The following STARD9 variants were observed in gnomAD, a reference collection of about 807,000 sequenced individuals.
The protein encoded by STARD9 is stAR-related lipid transfer protein 9.
In STARD9, 346 loss-of-function variants were observed where a neutral mutation model predicts 399.8. The observed-to-expected ratio is 0.87, with a 90% CI of 0.79 to 0.95. STARD9 has a LOEUF of 0.95. STARD9 is among the 40% of genes least tolerant of loss of function. The pLI, the probability that STARD9 is intolerant of heterozygous loss-of-function variation, is 0.00. For synonymous variants in STARD9, 2,203 were observed against 2,143.5 expected, an observed-to-expected ratio of 1.03 and a Z score of -0.77; for missense variants, 5,832 against 5,667.5, an observed-to-expected ratio of 1.03 and a Z score of -0.93.
chr15:42,705,033 C>T (rs929921096), intron 26 of STARD9, among the ~76,000 whole-genome samples: 1 of 152,192 alleles, frequency 6.6e-6, no homozygotes, highest in Admixed American at 6.5e-5. Context: ...CTTTCTGGTG[C>T]TTAGTGTGGG....
At chr15:42,621,003 C>T (rs2059081695) in intron 3 of STARD9, among the ~76,000 whole-genome samples, 1 of 152,138 alleles carries the variant, frequency 6.6e-6, no homozygotes, top group African/African-American at 2.4e-5. Context: ...ATCCACCCGC[C>T]TCAGCCTCCC....
chr15:42,636,934 G>A (rs565409172), intron 4 of STARD9, among the ~76,000 whole-genome samples: 13 of 151,526 alleles, frequency 8.6e-5, no homozygotes, highest in African/African-American at 3.2e-4. Context: ...TGTGGTGGTG[G>A]GTGCCTGTAC....
chr15:42,693,346 C>T lies in STARD9; in HGVS notation c.11768C>T (p.Pro3923Leu), dbSNP rs1256008934. Reference protein sequence around the residue: ...LSPGSLTLSAPSTHPVEGHQK... With the variant: ...LSPGSLTLSALSTHPVEGHQK... ...CCAGGCTCTTTGACCCTCTCAGCCC[C>T]TTCAACTCACCCTGTTGAAGGCCAC... The change falls in exon 23 of 33, where the codon CCT becomes CTT. Residue 3923 changes from proline (P) to leucine (L), a missense_variant. Transcript: ENST00000290607. 1 of 1,537,074 alleles carries T rather than the reference C, an allele frequency of 6.5e-7. No individual in the cohort carries two copies. The highest frequency in any genetic ancestry group is 1.4e-5 in the African/African-American group (1 of 73,036).
rs73408604 is a variant in STARD9, at chr15:42,647,601, A to G, written c.560-3415A>G. Among the ~76,000 whole-genome samples the G allele has an allele frequency of 3.2e-3, 485 of 151,732 alleles. 1 individual carries two copies. The highest frequency in any genetic ancestry group is 0.011 in the African/African-American group (454 of 41,388). On this transcript the variant is annotated intron_variant, in intron 7 of 32. Transcript: ENST00000290607. ...TATTTTTATCTTCTTTTCTACTTTT[A>G]CTTTCAGTTTTCTATGTATGTTTCA...
intron 7 of STARD9, among the ~76,000 whole-genome samples, chr15:42,644,097 C>A (rs573332319): frequency 6.6e-6 from 1 of 152,178 alleles, no homozygotes; most frequent in African/African-American, 2.4e-5. Context: ...CACAATAAAG[C>A]AAAAATCAAA....
In STARD9 at chr15:42,690,694, G is replaced by T; in HGVS notation, c.9116G>T (p.Ser3039Ile). 6.5e-7 allele frequency: 1 copy of T among 1,537,258 alleles called. No homozygotes were observed. The highest frequency in any genetic ancestry group is 8.7e-7 in the Non-Finnish European group (1 of 1,146,904). The change falls in exon 23 of 33, where the codon AGC becomes ATC. Residue 3039 changes from serine to isoleucine, a missense_variant. Around this residue, in one of 2 missense-constraint regions of STARD9, gnomAD observed 5,828 missense variants for 5,651.1 expected, o/e 1.03. Transcript: ENST00000290607. ...DVNREFRLTE[S>I]STCEPSTVAA... ...AACAGGGAATTTAGGCTAACAGAGA[G>T]CAGCACTTGTGAGCCTTCTACTGTG...
chr15:42,642,722 A>G (rs1030853897), intron 7 of STARD9, among the ~76,000 whole-genome samples: 25 of 152,220 alleles, frequency 1.6e-4, no homozygotes, highest in African/African-American at 6.0e-4. Context: ...ATTAAGTAAT[A>G]TATTTGCAAT....
At chr15:42,607,960 C>T (rs560587577) in intron 3 of STARD9, among the ~76,000 whole-genome samples, 1 of 152,284 alleles carries the variant, frequency 6.6e-6, no homozygotes, top group South Asian at 2.1e-4. Context: ...TCTTAGTTGT[C>T]ACTAACAAGT....
chr15:42,662,235 C>G (rs1053538823), intron 10 of STARD9, among the ~76,000 whole-genome samples: 5 of 152,048 alleles, frequency 3.3e-5, no homozygotes, highest in Non-Finnish European at 5.9e-5. Context: ...AAGAGGTAGT[C>G]TTGAGGGGGA....
At chr15:42,669,102 A>G in intron 15 of STARD9, 56 bp from the exon 16 acceptor site, 3 of 1,408,674 alleles carry the variant, frequency 2.1e-6, no homozygotes, top group Non-Finnish European at 2.9e-6. Flanking sequence ...ATGACTTCTG[A>G]CCTTTAGTCT....
At chr15:42,596,503 G>A (rs188303137) in intron 3 of STARD9, among the ~76,000 whole-genome samples, 463 of 152,280 alleles carry the variant, frequency 3.0e-3, no homozygotes, top group Admixed American at 4.2e-3. Context: ...AGCCCTTTGA[G>A]CAAAAGATCT....
chr15:42,694,553 AG>A lies in STARD9; in HGVS notation c.12792del (p.Arg4265GlufsTer22), dbSNP rs1448965064. The part of the protein sequence containing the change: ...ARQKKAIETL[R>X]RERAERLGNF... ...GCAAAAAAAGGCCATTGAGACCCTC[AG>A]GAGAGAGCGGGCTGAGCGACTTGGG... On this transcript the variant is annotated frameshift_variant, in exon 24 of 33. Transcript: ENST00000290607. LOFTEE classifies it high-confidence loss of function. 3.9e-6 allele frequency: 6 copies of A among 1,537,122 alleles called. No individual in the cohort carries two copies. The highest frequency in any genetic ancestry group is 5.2e-6 in the Non-Finnish European group (6 of 1,146,916).
At chr15:42,627,353 A>C (rs182369302) in intron 3 of STARD9, among the ~76,000 whole-genome samples, 123 of 152,284 alleles carry the variant, frequency 8.1e-4, no homozygotes, top group African/African-American at 2.9e-3. Context: ...GAGGTACATG[A>C]GATATTTTGA....
At chr15:42,702,058 C>T (rs1013535935) in intron 26 of STARD9, among the ~76,000 whole-genome samples, 30 of 151,178 alleles carry the variant, frequency 2.0e-4, no homozygotes, top group African/African-American at 6.3e-4. Context: ...TTGGACACAC[C>T]TGCTTATATC....
chr15:42,650,163 TTCA>T (rs1322787172), intron 7 of STARD9, among the ~76,000 whole-genome samples: 3 of 152,126 alleles, frequency 2.0e-5, no homozygotes, highest in Non-Finnish European at 4.4e-5. Context: ...GTGCCCAGCC[TTCA>T]GGGTTACTTT....
intron 3 of STARD9, among the ~76,000 whole-genome samples, chr15:42,606,787 A>G (rs2058732433): frequency 6.6e-6 from 1 of 151,904 alleles, no homozygotes; most frequent in African/African-American, 2.4e-5. Flanking sequence ...ATCCAGAGTA[A>G]GTGCTTGTAT....
In STARD9 at chr15:42,651,013, T is replaced by G; in HGVS notation, c.560-3T>G. On this transcript the variant is annotated splice_polypyrimidine_tract_variant and splice_region_variant and intron_variant, in intron 7 of 32. Coordinates refer to ENST00000290607, the MANE Select transcript of STARD9 (RefSeq NM_020759.3). ...TCTTTTTTCCGTTTCACAAATCCGATAGGTTTATCTCAACATGTAGTTACC... is the reference window on the plus strand; with the variant it reads ...TCTTTTTTCCGTTTCACAAATCCGAGAGGTTTATCTCAACATGTAGTTACC... 3.3e-6 allele frequency: 5 copies of G among 1,513,060 alleles called. No individual in the cohort carries two copies. The highest frequency in any genetic ancestry group is 3.5e-6 in the Non-Finnish European group (4 of 1,131,772). 93.7% of individuals were successfully genotyped at this position (1,513,060 alleles called of 1,614,324 possible).
At chr15:42,700,521 A>G (rs561702892) in intron 26 of STARD9, among the ~76,000 whole-genome samples, 14 of 152,194 alleles carry the variant, frequency 9.2e-5, no homozygotes, top group Non-Finnish European at 1.9e-4. Flanking sequence ...GGATTTCCCT[A>G]AAAACTAGTG....
At position 42,686,666 on chromosome 15, in the gene STARD9, A is replaced by C; in HGVS notation, c.5088A>C (p.Glu1696Asp). 1 of 1,537,624 alleles carries C rather than the reference A, an allele frequency of 6.5e-7. No individual in the cohort carries two copies. The highest frequency in any genetic ancestry group is 8.7e-7 in the Non-Finnish European group (1 of 1,146,946). The change falls in exon 23 of 33, where the codon GAA becomes GAC. Residue 1696 changes from glutamate to aspartate, a missense_variant. Transcript: ENST00000290607. Reference sequence around the variant, plus strand: ...CCGACAGCCACTACCCACTAGAGGAAGAGAAGACAGATTGCCAGGAGAGCT... The same window carrying C: ...CCGACAGCCACTACCCACTAGAGGACGAGAAGACAGATTGCCAGGAGAGCT... ...LSPDSHYPLE[E>D]EKTDCQESSK...
Sources: gnomAD v4.1 joint callset for allele counts (sites outside exome capture counted in the v4.1 genomes callset) on GRCh38, gnomAD v4.1.1 for gene constraint, gnomAD v4.1.1 regional missense constraint, MANE v1.5 for transcripts, NCBI Gene and HGNC (gene_info 2026-07-23, HGNC 2026-07-21) for gene names.